ARHGAP6: variants seen among roughly 807,000 people sequenced by gnomAD.
The protein encoded by ARHGAP6 is rho GTPase-activating protein 6.
ARHGAP6 carries 16 observed loss-of-function variants against 55.7 expected under a neutral mutation model. The ratio of observed to expected loss-of-function variants is 0.29; its 90% CI spans 0.19 to 0.44. The LOEUF (loss-of-function observed/expected upper bound fraction) is 0.44, where lower values mean the gene tolerates loss of function less well. Ranked by LOEUF, ARHGAP6 falls within the 20% of genes least tolerant of loss-of-function variation. ARHGAP6 has a pLI of 1.00. For synonymous variants in ARHGAP6, 382 were observed against 360.9 expected, an observed-to-expected ratio of 1.06 and a Z score of -0.66; for missense variants, 698 against 808.9, an observed-to-expected ratio of 0.86 and a Z score of 1.66.
intron 1 of ARHGAP6, among the ~76,000 whole-genome samples, chrX:11,512,349 G>A (rs1216899616): frequency 2.7e-5 from 3 of 111,527 alleles, no homozygotes; most frequent in African/African-American, 9.8e-5. Flanking sequence ...AGGATGCTCA[G>A]AAGTGAATAA....
At chrX:11,275,847 C>T (rs943311747) in intron 1 of ARHGAP6, among the ~76,000 whole-genome samples, 1 of 111,549 alleles carries the variant, frequency 9.0e-6, no homozygotes, top group African/African-American at 3.3e-5. Context: ...TTCCTACTCA[C>T]CCTGTAATGC....
At chrX:11,235,694 C>T (rs1289100154) in intron 2 of ARHGAP6, among the ~76,000 whole-genome samples, 1 of 111,440 alleles carries the variant, frequency 9.0e-6, no homozygotes, top group Non-Finnish European at 1.9e-5. Flanking sequence ...CAAAGTCCCA[C>T]AGATCTCTAG....
rs1337901481 is a variant in ARHGAP6, at chrX:11,373,803, G to T, written c.589-119096C>A. Among the ~76,000 whole-genome samples, 16 of 111,595 alleles carry T rather than the reference G, an allele frequency of 1.4e-4. No homozygotes were observed. The Admixed American group carries it at 1.5e-3, about 11-fold the overall frequency. On this transcript the variant is annotated intron_variant, in intron 1 of 12. Coordinates refer to ENST00000337414, the MANE Select transcript of ARHGAP6 (RefSeq NM_013427.3). ...AATAAATTTATCTCCTTTGGAGTGG[G>T]ATTCCAGGTGCTAAAAAATAAAACA...
chrX:11,665,851 T>C lies in ARHGAP6; in HGVS notation c.-1023A>G, dbSNP rs1569078350. ...GGAGAAAGCAGAACGTGAAGAGTTT[T>C]CCAGGCGCCAAACCTGCAAGCGGCG... On this transcript the variant is annotated 5_prime_UTR_variant, in exon 1 of 13. Transcript: ENST00000337414. 8.9e-6 allele frequency: 1 copy of C among 112,556 alleles called. No individual in the cohort carries two copies. The highest frequency in any genetic ancestry group is 1.9e-5 in the Non-Finnish European group (1 of 53,386). 9.3% of individuals were successfully genotyped at this position (112,556 alleles called of 1,213,427 possible).
At chrX:11,219,413 T>C (rs1191792353) in intron 2 of ARHGAP6, among the ~76,000 whole-genome samples, 1 of 102,086 alleles carries the variant, frequency 9.8e-6, no homozygotes, top group East Asian at 2.9e-4. Context: ...AGTAATGGGA[T>C]GGCTGGGTCA....
chrX:11,364,552 C>A (rs2049051262), intron 1 of ARHGAP6, among the ~76,000 whole-genome samples: 1 of 110,551 alleles, frequency 9.0e-6, no homozygotes, highest in Non-Finnish European at 1.9e-5. Context: ...GGTAGATGAC[C>A]CATCCCGGCT....
At chrX:11,317,987 A>T (rs1455127813) in intron 1 of ARHGAP6, among the ~76,000 whole-genome samples, 1 of 112,235 alleles carries the variant, frequency 8.9e-6, no homozygotes, top group Non-Finnish European at 1.9e-5. Context: ...CATCCTGAGC[A>T]TGACAAGTCA....
At chrX:11,546,895 C>G (rs1461454601) in intron 1 of ARHGAP6, among the ~76,000 whole-genome samples, 1 of 111,862 alleles carries the variant, frequency 8.9e-6, no homozygotes, top group Non-Finnish European at 1.9e-5. Flanking sequence ...AGAAAATAAC[C>G]TACCAAATGA....
chrX:11,581,856 T>C (rs181913509), intron 1 of ARHGAP6, among the ~76,000 whole-genome samples: 1 of 110,793 alleles, frequency 9.0e-6, no homozygotes, highest in African/African-American at 3.3e-5. Context: ...TGGTGATGGG[T>C]GCACATATCT....
At chrX:11,410,000 T>G (rs1205157001) in intron 1 of ARHGAP6, among the ~76,000 whole-genome samples, 3 of 112,095 alleles carry the variant, frequency 2.7e-5, no homozygotes, top group African/African-American at 9.7e-5. Context: ...GTGGAGAAAC[T>G]GGAACCCTCA....
At chrX:11,385,072 T>C (rs982909465) in intron 1 of ARHGAP6, among the ~76,000 whole-genome samples, 1 of 111,941 alleles carries the variant, frequency 8.9e-6, no homozygotes, top group African/African-American at 3.2e-5. Flanking sequence ...TTAGAAATTC[T>C]TACTACTGTA....
intron 4 of ARHGAP6, among the ~76,000 whole-genome samples, chrX:11,187,923 C>T (rs909549724): frequency 3.6e-5 from 4 of 111,460 alleles, no homozygotes; most frequent in African/African-American, 9.8e-5. Flanking sequence ...TCCCAGCTAC[C>T]GGGGAGGTTG....
chrX:11,274,781 C>A (rs1324680364), intron 1 of ARHGAP6, among the ~76,000 whole-genome samples: 2 of 110,874 alleles, frequency 1.8e-5, no homozygotes, highest in East Asian at 2.8e-4. Context: ...TCTCCCTCCC[C>A]CAACCCCACC....
At chrX:11,188,320 C>A (rs918158114) in intron 4 of ARHGAP6, among the ~76,000 whole-genome samples, 1 of 111,973 alleles carries the variant, frequency 8.9e-6, no homozygotes, top group East Asian at 2.8e-4. Context: ...GAAGACCCAC[C>A]GCCAATTCAT....
At chrX:11,246,826 C>T (rs1569271656) in intron 2 of ARHGAP6, among the ~76,000 whole-genome samples, 1 of 112,015 alleles carries the variant, frequency 8.9e-6, no homozygotes, top group Non-Finnish European at 1.9e-5. Flanking sequence ...CACCAGGTTT[C>T]AACCTTATTT....
Position 11,631,525 on chromosome X carries a change from T to TA in ARHGAP6, c.588+32715dup, listed in dbSNP as rs111774178. Among the ~76,000 whole-genome samples the TA allele has an allele frequency of 1.7e-3, 164 of 98,026 alleles. 2 individuals are homozygous for TA. In the East Asian group the frequency reaches 0.027, roughly 16 times the overall value. The allele number at this position is 98,026 out of a possible 115,157, so 85.1% of individuals were successfully genotyped here. On this transcript the variant is annotated intron_variant, in intron 1 of 12. Transcript: ENST00000337414. ...TGGGCAACAAGAGCAAAACTCCGTC[T>TA]AAAAAAAAAAAAAGTAAAATGGACT... is the stretch of plus-strand genomic sequence containing the variant.
intron 1 of ARHGAP6, among the ~76,000 whole-genome samples, chrX:11,500,663 CAA>C (rs995574477): frequency 0.012 from 411 of 33,591 alleles, 4 homozygotes; most frequent in African/African-American, 0.042. Context: ...CAGACTCTGT[CAA>C]AAAAAAAAAA....
At chrX:11,312,829 C>T (rs1260166270) in intron 1 of ARHGAP6, among the ~76,000 whole-genome samples, 1 of 111,437 alleles carries the variant, frequency 9.0e-6, no homozygotes, top group Non-Finnish European at 1.9e-5. Context: ...GTCAACTCTG[C>T]ATCCAAAATA....
intron 2 of ARHGAP6, among the ~76,000 whole-genome samples, chrX:11,221,635 G>A (rs1366718130): frequency 9.0e-6 from 1 of 111,562 alleles, no homozygotes; most frequent in East Asian, 2.8e-4. Context: ...ATGTTTGGGG[G>A]ATATTAGAGG....
Sources: gnomAD v4.1 joint callset for allele counts (sites outside exome capture counted in the v4.1 genomes callset) on GRCh38, gnomAD v4.1.1 for gene constraint, MANE v1.5 for transcripts, NCBI Gene and HGNC (gene_info 2026-07-23, HGNC 2026-07-21) for gene names.